ZFPM2: variants seen among roughly 807,000 people sequenced by gnomAD.
ZFPM2 encodes zinc finger protein ZFPM2.
Under a neutral mutation model 98.6 loss-of-function variants are expected in ZFPM2, and 20 were observed. That is an observed-to-expected ratio of 0.20 (90% CI 0.14 to 0.29). ZFPM2 has a LOEUF of 0.29. ZFPM2 is among the 10% of genes least tolerant of loss of function. ZFPM2 has a pLI of 1.00. For missense variants in ZFPM2, 1,310 were observed against 1,388.6 expected (o/e 0.94, Z 0.90); for synonymous variants, 518 against 502.7 (o/e 1.03, Z -0.41).
intron 1 of ZFPM2, among the ~76,000 whole-genome samples, chr8:105,355,855 C>G (rs1812732320): frequency 6.6e-6 from 1 of 152,140 alleles, no homozygotes; most frequent in African/African-American, 2.4e-5. Flanking sequence ...AATCACAATG[C>G]ATTCATTTAA....
chr8:105,582,235 T>G (rs1211266823), intron 4 of ZFPM2, among the ~76,000 whole-genome samples: 1 of 152,212 alleles, frequency 6.6e-6, no homozygotes, highest in Non-Finnish European at 1.5e-5. Flanking sequence ...ACACATATTT[T>G]TTAAACTGGT....
chr8:105,396,518 G>C (rs1445087544), intron 1 of ZFPM2, among the ~76,000 whole-genome samples: 4 of 152,130 alleles, frequency 2.6e-5, no homozygotes, highest in East Asian at 3.9e-4. Flanking sequence ...CAGGTTAAAG[G>C]CTCTTTGAGA....
intron 6 of ZFPM2, chr8:105,798,076 C>T (rs973494811): frequency 6.6e-6 from 1 of 152,162 alleles, no homozygotes; most frequent in Admixed American, 6.5e-5. Context: ...TAGTTCAGCC[C>T]TTACATCCTT....
chr8:105,776,965 G>A (rs954235843), intron 5 of ZFPM2, among the ~76,000 whole-genome samples: 1 of 152,178 alleles, frequency 6.6e-6, no homozygotes, highest in African/African-American at 2.4e-5. Flanking sequence ...GTATGGCTGA[G>A]CATCTCTATC....
intron 5 of ZFPM2, among the ~76,000 whole-genome samples, chr8:105,758,695 T>A (rs1263997010): frequency 1.3e-5 from 2 of 152,120 alleles, no homozygotes; most frequent in Non-Finnish European, 2.9e-5. Context: ...TCTTTAATAA[T>A]TAGTCCAGCT....
intron 5 of ZFPM2, among the ~76,000 whole-genome samples, chr8:105,647,608 G>A (rs1177419667): frequency 3.4e-5 from 5 of 146,982 alleles, no homozygotes; most frequent in African/African-American, 1.2e-4. Flanking sequence ...ATTCCCACCT[G>A]TGAGTGAGAA....
At chr8:105,536,358 T>C (rs1194955165) in intron 3 of ZFPM2, among the ~76,000 whole-genome samples, 3 of 152,140 alleles carry the variant, frequency 2.0e-5, no homozygotes, top group Non-Finnish European at 4.4e-5. Context: ...GAGACTCGTA[T>C]TTAAGTAAAT....
intron 4 of ZFPM2, among the ~76,000 whole-genome samples, chr8:105,620,530 A>G (rs1232454149): frequency 6.6e-6 from 1 of 152,078 alleles, no homozygotes; most frequent in Non-Finnish European, 1.5e-5. Flanking sequence ...GAAGCTCTTT[A>G]GTTTAATTAG....
Position 105,393,360 on chromosome 8 carries a change from T to G in ZFPM2, c.41-25784T>G, listed in dbSNP as rs1381564554. ...TGCCTTTCTTTCTTTCTTTCTTTCT[T>G]TCTTTCTTTCTTTCTTTCTTTCTTT... On this transcript the variant is annotated intron_variant, in intron 1 of 7. Transcript: ENST00000407775. Among the ~76,000 whole-genome samples the G allele has an allele frequency of 5.6e-3, 583 of 103,280 alleles. 10 individuals are homozygous for G. The highest frequency in any genetic ancestry group is 0.023 in the African/African-American group (559 of 24,164). 67.8% of individuals were successfully genotyped at this position (103,280 alleles called of 152,430 possible). A position where few individuals can be genotyped will look rare whatever the true frequency, so the allele number is the denominator to read the frequency against.
chr8:105,402,669 C>T (rs1309104997), intron 1 of ZFPM2, among the ~76,000 whole-genome samples: 4 of 151,962 alleles, frequency 2.6e-5, no homozygotes, highest in African/African-American at 9.7e-5. Flanking sequence ...TTAGTCCCAA[C>T]AAGCATTTAG....
At chr8:105,585,990 G>A (rs72673755) in intron 4 of ZFPM2, among the ~76,000 whole-genome samples, 25,271 of 148,730 alleles carry the variant, frequency 0.17, 2,390 homozygotes, top group Middle Eastern at 0.24. Flanking sequence ...TAGTGTGTAT[G>A]TGGGGGGAAG....
At chr8:105,789,171 G>T (rs1390182039) in intron 6 of ZFPM2, 1 of 310,342 alleles carries the variant, frequency 3.2e-6, no homozygotes, top group South Asian at 6.5e-5. Context: ...TGACATGCTG[G>T]TGCGCGGCAC....
chr8:105,500,339 AGAAT>A (rs1813566020), intron 3 of ZFPM2, among the ~76,000 whole-genome samples: 1 of 152,188 alleles, frequency 6.6e-6, no homozygotes, highest in African/African-American at 2.4e-5. Flanking sequence ...CTTAAATTTG[AGAAT>A]AAACAGAATA....
intron 1 of ZFPM2, among the ~76,000 whole-genome samples, chr8:105,357,668 T>G (rs1812774489): frequency 6.6e-6 from 1 of 152,140 alleles, no homozygotes; most frequent in Non-Finnish European, 1.5e-5. Flanking sequence ...AAATGTATAT[T>G]CCCTTAAAAA....
chr8:105,507,211 G>A (rs544234953), intron 3 of ZFPM2, among the ~76,000 whole-genome samples: 4 of 152,170 alleles, frequency 2.6e-5, no homozygotes, highest in Non-Finnish European at 4.4e-5. Flanking sequence ...ACCTGCATTC[G>A]TATCTATGTC....
intron 5 of ZFPM2, among the ~76,000 whole-genome samples, chr8:105,654,244 A>G (rs1249215316): frequency 6.6e-6 from 1 of 152,082 alleles, no homozygotes; most frequent in Non-Finnish European, 1.5e-5. Flanking sequence ...TTGCTGAGCC[A>G]CACATTTCAA....
Position 105,795,251 on chromosome 8 carries a change from T to C in ZFPM2, c.740-3473T>C, listed in dbSNP as rs868455393. Among the ~76,000 whole-genome samples, 282 of 138,056 alleles carry C rather than the reference T, an allele frequency of 2.0e-3. 2 individuals carry two copies. The highest frequency in any genetic ancestry group is 8.8e-3 in the African/African-American group (271 of 30,806). The allele number at this position is 138,056 out of a possible 152,430, so 90.6% of individuals were successfully genotyped here. A position where few individuals can be genotyped will look rare whatever the true frequency, so the allele number is the denominator to read the frequency against. On this transcript the variant is annotated intron_variant, in intron 6 of 7. Coordinates refer to ENST00000407775, the MANE Select transcript of ZFPM2 (RefSeq NM_012082.4). Reference sequence around the variant, plus strand: ...TCCTCCCCCTCATTTTATCTTTGTGTGTGTGTGTGTGTGTGTGTGTGTGTG... The same window carrying C: ...TCCTCCCCCTCATTTTATCTTTGTGCGTGTGTGTGTGTGTGTGTGTGTGTG...
At chr8:105,734,189 G>T (rs997919438) in intron 5 of ZFPM2, among the ~76,000 whole-genome samples, 3 of 151,818 alleles carry the variant, frequency 2.0e-5, no homozygotes, top group African/African-American at 7.3e-5. Flanking sequence ...AAATGCAAAA[G>T]AAAAATAGTT....
chr8:105,568,350 C>T (rs566105571), intron 4 of ZFPM2, among the ~76,000 whole-genome samples: 11 of 151,452 alleles, frequency 7.3e-5, no homozygotes, highest in African/African-American at 2.2e-4. Flanking sequence ...CCTCTCCTTT[C>T]GTACCTCTGC....
Sources: allele counts gnomAD v4.1 joint callset (sites outside exome capture counted in the v4.1 genomes callset), GRCh38; gene constraint gnomAD v4.1.1; transcripts MANE v1.5; gene names NCBI Gene and HGNC (gene_info 2026-07-23, HGNC 2026-07-21).